MTMR7: variants seen among roughly 807,000 people sequenced by gnomAD.
The protein encoded by MTMR7 is phosphatidylinositol-3-phosphate phosphatase MTMR7.
MTMR7 carries 76 observed loss-of-function variants against 81.2 expected under a neutral mutation model. That is an observed-to-expected ratio of 0.94 (90% CI 0.78 to 1.13). MTMR7 has a LOEUF of 1.13. Ranked by LOEUF, MTMR7 falls within the 50% of genes most tolerant of loss-of-function variation. MTMR7 has a pLI of 0.00. For missense variants in MTMR7, 1,044 were observed against 820.0 expected (o/e 1.27, Z -3.34); for synonymous variants, 372 against 289.8 (o/e 1.28, Z -2.88).
At chr8:17,391,488 G>C (rs1458393807) in intron 1 of MTMR7, among the ~76,000 whole-genome samples, 3 of 152,134 alleles carry the variant, frequency 2.0e-5, no homozygotes, top group African/African-American at 4.8e-5. Context: ...GATCTCCAGG[G>C]CCTAAAACTG....
At chr8:17,391,290 G>C (rs1249682431) in intron 1 of MTMR7, among the ~76,000 whole-genome samples, 2 of 152,116 alleles carry the variant, frequency 1.3e-5, no homozygotes, top group African/African-American at 4.8e-5. Context: ...TACAGGGGGA[G>C]GGTGGCAGGA....
intron 1 of MTMR7, among the ~76,000 whole-genome samples, chr8:17,380,126 G>A (rs1268745609): frequency 2.0e-5 from 3 of 152,094 alleles, no homozygotes; most frequent in Non-Finnish European, 4.4e-5. Context: ...AAACCTCCAT[G>A]GGAACTGGCA....
At chr8:17,360,793 A>C (rs1261058522) in intron 4 of MTMR7, among the ~76,000 whole-genome samples, 1 of 152,128 alleles carries the variant, frequency 6.6e-6, no homozygotes, top group Non-Finnish European at 1.5e-5. Context: ...CACTATAAAA[A>C]GACCTGATGG....
Position 17,371,162 on chromosome 8 carries a change from G to C in MTMR7, c.185C>G (p.Ala62Gly). 1.2e-6 allele frequency: 2 copies of C among 1,614,178 alleles called. No individual in the cohort carries two copies. Among genetic ancestry groups the C allele is most frequent in the Non-Finnish European group, 1.7e-6 (2 of 1,180,020 alleles). The change falls in exon 3 of 14, where the codon GCA becomes GGA. Residue 62 changes from alanine to glycine, a missense_variant. Ala to Gly is a moderately conservative substitution (Grantham distance 60). Transcript: ENST00000180173. Reference protein sequence around the residue: ...HSQISTIEKQATTATGCPLLI... With the variant: ...HSQISTIEKQGTTATGCPLLI... ...CAGAGGGCATCCGGTAGCGGTTGTT[G>C]CCTGTTTCTCAATGGTGGAAATCTG...
At position 17,402,122 on chromosome 8, in the gene MTMR7, G is replaced by A. The variant is rs535730237; in HGVS notation, c.24+11147C>T. 2.6e-5 allele frequency among the ~76,000 whole-genome samples: 4 copies of A among 152,144 alleles called. No homozygotes were observed. The East Asian group carries it at 5.8e-4, about 22-fold the overall frequency. The stretch of plus-strand genomic sequence containing the variant: ...TTTTTTTAACTTTTCTGAGCACATA[G>A]TAGGTCTATATATTTATGGAGTATG... On this transcript the variant is annotated intron_variant, in intron 1 of 13. Coordinates refer to ENST00000180173, the MANE Select transcript of MTMR7 (RefSeq NM_004686.5).
At chr8:17,387,465 G>A (rs956948277) in intron 1 of MTMR7, among the ~76,000 whole-genome samples, 1 of 152,198 alleles carries the variant, frequency 6.6e-6, no homozygotes, top group Non-Finnish European at 1.5e-5. Flanking sequence ...TGTAAAGTAA[G>A]GGGGAAAGGA....
At chr8:17,343,525 G>C (rs1011557957) in intron 5 of MTMR7, among the ~76,000 whole-genome samples, 9 of 152,068 alleles carry the variant, frequency 5.9e-5, no homozygotes, top group Non-Finnish European at 1.3e-4. Flanking sequence ...TTTAAATGAC[G>C]AGAATTTGAG....
At chr8:17,385,637 T>A (rs1221717209) in intron 1 of MTMR7, among the ~76,000 whole-genome samples, 1 of 152,320 alleles carries the variant, frequency 6.6e-6, no homozygotes, top group Admixed American at 6.5e-5. Context: ...ATTAGCAGCA[T>A]GAGAACACAC....
At chr8:17,302,336 ATCC>A in intron 12 of MTMR7, 56 bp from the exon 13 acceptor site, 1 of 1,559,332 alleles carries the variant, frequency 6.4e-7, no homozygotes, top group Admixed American at 2.0e-5. Context: ...GAAAATTCAC[ATCC>A]TCAAGTCTTC....
chr8:17,374,463 A>C (rs1820512438), intron 1 of MTMR7, among the ~76,000 whole-genome samples: 1 of 151,998 alleles, frequency 6.6e-6, no homozygotes, highest in Admixed American at 6.5e-5. Context: ...TCTACTAAAA[A>C]TACAGAAATT....
At chr8:17,359,262 A>G (rs1270233182) in intron 4 of MTMR7, among the ~76,000 whole-genome samples, 5 of 152,288 alleles carry the variant, frequency 3.3e-5, no homozygotes, top group African/African-American at 1.2e-4. Context: ...GGACTACTGT[A>G]CAATCATTTC....
chr8:17,311,910 A>G lies in MTMR7; in HGVS notation c.976-274T>C. 1.2e-5 allele frequency: 4 copies of G among 344,300 alleles called. No individual in the cohort carries two copies. The South Asian group carries it at 1.5e-4, about 13-fold the overall frequency. The allele number at this position is 344,300 out of a possible 1,614,324, so 21.3% of individuals were successfully genotyped here. A position where few individuals can be genotyped will look rare whatever the true frequency, so the allele number is the denominator to read the frequency against. On this transcript the variant is annotated intron_variant, in intron 8 of 13. Coordinates refer to ENST00000180173, the MANE Select transcript of MTMR7 (RefSeq NM_004686.5). ...CTTACTAAACATAAGCATTCGTCCTATGCAAACGGACCTTCAACCCTCTTC... is the reference window on the plus strand; with the variant it reads ...CTTACTAAACATAAGCATTCGTCCTGTGCAAACGGACCTTCAACCCTCTTC...
chr8:17,347,375 C>T (rs978239024), intron 5 of MTMR7, among the ~76,000 whole-genome samples: 1 of 152,100 alleles, frequency 6.6e-6, no homozygotes, highest in Non-Finnish European at 1.5e-5. Context: ...ACTTTCACCA[C>T]CAAATTAATA....
intron 3 of MTMR7, among the ~76,000 whole-genome samples, chr8:17,368,128 C>T (rs756567910): frequency 6.6e-6 from 1 of 152,052 alleles, no homozygotes; most frequent in Non-Finnish European, 1.5e-5. Flanking sequence ...TCTTCCACCT[C>T]AGATCATCAG....
At chr8:17,355,662 G>C (rs1041811667) in intron 4 of MTMR7, among the ~76,000 whole-genome samples, 1 of 151,802 alleles carries the variant, frequency 6.6e-6, no homozygotes, top group Non-Finnish European at 1.5e-5. Context: ...CAGTGTATCA[G>C]AATCTCCTGA....
chr8:17,334,013 C>A (rs903962418), intron 6 of MTMR7, among the ~76,000 whole-genome samples: 2 of 152,154 alleles, frequency 1.3e-5, no homozygotes, highest in East Asian at 3.8e-4. Context: ...ATAATTAAGA[C>A]TCCATGTACA....
In MTMR7 at chr8:17,383,663, A is replaced by T. The variant is rs118110717; in HGVS notation, c.25-10423T>A. On this transcript the variant is annotated intron_variant, in intron 1 of 13. Transcript: ENST00000180173. Reference sequence around the variant, plus strand: ...AGAGAGGAATATGTTTAACAAGTTAAATGCTCTAGCTACAGCTAAAAGATT... The same window carrying T: ...AGAGAGGAATATGTTTAACAAGTTATATGCTCTAGCTACAGCTAAAAGATT... Among the ~76,000 whole-genome samples the T allele has an allele frequency of 2.0e-5, 3 of 152,326 alleles. No individual in the cohort carries two copies. In the East Asian group the frequency reaches 5.8e-4, roughly 29 times the overall value.
At chr8:17,397,699 G>C (rs781361186) in intron 1 of MTMR7, among the ~76,000 whole-genome samples, 4 of 152,126 alleles carry the variant, frequency 2.6e-5, no homozygotes, top group Non-Finnish European at 2.9e-5. Flanking sequence ...ACCTGCTAAT[G>C]GTGGAGCCCT....
chr8:17,348,745 T>C (rs1015081028), intron 5 of MTMR7, among the ~76,000 whole-genome samples: 16 of 152,008 alleles, frequency 1.1e-4, no homozygotes, highest in African/African-American at 3.9e-4. Flanking sequence ...TTCTGAATCA[T>C]TACATTACTG....
Sources: gnomAD v4.1 joint callset for allele counts (sites outside exome capture counted in the v4.1 genomes callset) on GRCh38, gnomAD v4.1.1 for gene constraint, MANE v1.5 for transcripts, NCBI Gene and HGNC (gene_info 2026-07-23, HGNC 2026-07-21) for gene names.